The following NCOA2 variants were observed in gnomAD, a reference collection of about 807,000 sequenced individuals.
NCOA2 encodes the protein class E basic helix-loop-helix protein 75.
A neutral mutation model predicts 145.1 loss-of-function variants in NCOA2; 21 were observed. The observed-to-expected ratio is 0.14, with a 90% confidence interval of 0.10 to 0.21. The LOEUF (loss-of-function observed/expected upper bound fraction) is 0.21, where lower values mean the gene tolerates loss of function less well. NCOA2 is among the 10% of genes least tolerant of loss of function. The pLI is 1.00. For synonymous variants in NCOA2, 619 were observed against 637.5 expected (o/e 0.97, Z 0.44); for missense variants, 1,472 against 1,837.6 (o/e 0.80, Z 3.64).
At chr8:70,288,266 AT>A (rs549446587) in intron 2 of NCOA2, among the ~76,000 whole-genome samples, 4 of 151,836 alleles carry the variant, frequency 2.6e-5, no homozygotes, top group Non-Finnish European at 5.9e-5. Context: ...AGGAAGGGTT[AT>A]TTTTTTTCCT....
intron 4 of NCOA2, among the ~76,000 whole-genome samples, chr8:70,181,081 T>C (rs189991217): frequency 6.6e-6 from 1 of 152,370 alleles, no homozygotes; most frequent in Non-Finnish European, 1.5e-5. Flanking sequence ...TAGGTACTCT[T>C]AATCAATTTT....
At chr8:70,337,916 G>C (rs1807768184) in intron 1 of NCOA2, among the ~76,000 whole-genome samples, 2 of 152,154 alleles carry the variant, frequency 1.3e-5, no homozygotes, top group African/African-American at 2.4e-5. Flanking sequence ...CAACATACCA[G>C]AATCTCTGGG....
At chr8:70,314,048 C>T (rs1341418278) in intron 1 of NCOA2, among the ~76,000 whole-genome samples, 4 of 150,840 alleles carry the variant, frequency 2.7e-5, no homozygotes, top group South Asian at 2.1e-4. Flanking sequence ...GGCATGATGG[C>T]GGACGCCTAT....
chr8:70,141,168 A>C lies in NCOA2; in HGVS notation c.3028+16T>G, dbSNP rs1040239111. The C allele has an allele frequency of 6.2e-7, 1 of 1,610,578 alleles. No individual in the cohort carries two copies. Among genetic ancestry groups the C allele is most frequent in the Non-Finnish European group, 8.5e-7 (1 of 1,178,046 alleles). ...AGCATAAAAGTTAAAAGCAAACAGC[A>C]CTAGAGCCACCTTACCTATATTCAT... is the stretch of plus-strand genomic sequence containing the variant. On this transcript the variant is annotated intron_variant, in intron 14 of 22. Transcript: ENST00000452400.
intron 1 of NCOA2, among the ~76,000 whole-genome samples, chr8:70,356,944 T>TA (rs1355246861): frequency 1.3e-5 from 2 of 152,214 alleles, no homozygotes; most frequent in Non-Finnish European, 2.9e-5. Flanking sequence ...TCATGTCTCA[T>TA]AGTCTGTTTC....
chr8:70,404,773 A>G (rs898922511), upstream of NCOA2, among the ~76,000 whole-genome samples: 2 of 152,162 alleles, frequency 1.3e-5, no homozygotes, highest in African/African-American at 2.4e-5. Context: ...GACGTAGGAG[A>G]TTGGCACTGA....
intron 2 of NCOA2, among the ~76,000 whole-genome samples, chr8:70,240,934 G>T (rs1822071463): frequency 6.6e-6 from 1 of 152,096 alleles, no homozygotes; most frequent in African/African-American, 2.4e-5. Flanking sequence ...TAGAATATGG[G>T]ACTAGGTGAG....
the NCOA2 span, among the ~76,000 whole-genome samples, chr8:70,456,328 T>C: frequency 1.3e-5 from 2 of 152,110 alleles, no homozygotes; most frequent in Non-Finnish European, 2.9e-5. Flanking sequence ...GAGAGAGGAC[T>C]GGGAGTGGGA....
chr8:70,144,349 T>C (rs980595307), intron 13 of NCOA2, among the ~76,000 whole-genome samples: 7 of 152,178 alleles, frequency 4.6e-5, no homozygotes, highest in African/African-American at 1.7e-4. Flanking sequence ...ATTTTATATA[T>C]ACCCTGCAAT....
In NCOA2 at chr8:70,330,290, C is replaced by T. The variant is rs149834677; in HGVS notation, c.-76-33490G>A. 2.3e-3 allele frequency among the ~76,000 whole-genome samples: 350 copies of T among 152,086 alleles called. 7 individuals are homozygous for T. Among genetic ancestry groups the T allele is most frequent in the Non-Finnish European group, 6.0e-4 (41 of 67,972 alleles). The stretch of plus-strand genomic sequence containing the variant: ...GGAACACAGTGGAATAATGTATGAG[C>T]TCGGTACGGTGGCTCATGCCTGTAA... On this transcript the variant is annotated intron_variant, in intron 1 of 22. Transcript: ENST00000452400.
At chr8:70,314,192 AAAAAAAAAAAAAAAAAG>A (rs1364998071) in intron 1 of NCOA2, among the ~76,000 whole-genome samples, 2 of 132,424 alleles carry the variant, frequency 1.5e-5, no homozygotes, top group East Asian at 3.9e-4. Context: ...AAAAAAAAAA[AAAAAAAAAAAAAAAAAG>A]CAACTGTCAT....
intron 1 of NCOA2, among the ~76,000 whole-genome samples, chr8:70,303,800 G>T (rs1827674363): frequency 6.6e-6 from 1 of 152,036 alleles, no homozygotes; most frequent in African/African-American, 2.4e-5. Context: ...GGCGGAGGGG[G>T]AAGATAAGTT....
chr8:70,367,797 T>C (rs748590083), intron 1 of NCOA2, among the ~76,000 whole-genome samples: 5 of 152,210 alleles, frequency 3.3e-5, no homozygotes, highest in Non-Finnish European at 2.9e-5. Flanking sequence ...CTCCAAGCCA[T>C]ACCATGATTT....
intron 1 of NCOA2, among the ~76,000 whole-genome samples, chr8:70,334,153 T>C (rs1807359019): frequency 6.6e-6 from 1 of 152,210 alleles, no homozygotes; most frequent in Non-Finnish European, 1.5e-5. Context: ...TGCCTAACTT[T>C]TAAGGCCAAA....
intron 1 of NCOA2, chr8:70,402,251 G>A (rs1305648332): frequency 2.0e-5 from 3 of 152,340 alleles, no homozygotes; most frequent in African/African-American, 7.2e-5. Flanking sequence ...GGGAGGGGAA[G>A]GCGTCGGAGG....
intron 2 of NCOA2, chr8:70,273,552 C>T (rs1386772963): frequency 9.5e-6 from 7 of 739,074 alleles, no homozygotes; most frequent in Admixed American, 9.2e-5. Flanking sequence ...AATATGTTTA[C>T]AAACCAAGCA....
chr8:70,183,607 T>G (rs1346901964), intron 4 of NCOA2, among the ~76,000 whole-genome samples: 1 of 152,188 alleles, frequency 6.6e-6, no homozygotes, highest in Non-Finnish European at 1.5e-5. Flanking sequence ...TCACATTCTT[T>G]CAAGATTTTG....
chr8:70,383,497 T>G (rs1252019829), intron 1 of NCOA2, among the ~76,000 whole-genome samples: 6 of 152,058 alleles, frequency 3.9e-5, no homozygotes, highest in South Asian at 2.1e-4. Flanking sequence ...CATCCTAGTT[T>G]TTTTTGTTTT....
At chr8:70,204,553 A>G (rs949103697) in intron 4 of NCOA2, among the ~76,000 whole-genome samples, 4 of 152,240 alleles carry the variant, frequency 2.6e-5, no homozygotes, top group East Asian at 1.9e-4. Context: ...CTCAGTTACT[A>G]TAATACAAAT....
Sources: gnomAD v4.1 joint callset for allele counts (sites outside exome capture counted in the v4.1 genomes callset) on GRCh38, gnomAD v4.1.1 for gene constraint, MANE v1.5 for transcripts, NCBI Gene and HGNC (gene_info 2026-07-23, HGNC 2026-07-21) for gene names.